The following CEP128 variants were observed in gnomAD, a reference collection of about 807,000 sequenced individuals.
The protein encoded by CEP128 is centrosomal protein 128kDa.
In CEP128, 132 loss-of-function variants were observed where a neutral mutation model predicts 156.7. The ratio of observed to expected loss-of-function variants is 0.84; its 90% CI spans 0.73 to 0.97. The LOEUF (loss-of-function observed/expected upper bound fraction) is 0.97. Ranked by LOEUF, CEP128 falls within the 50% of genes least tolerant of loss-of-function variation. CEP128 has a pLI of 0.00. For missense variants in CEP128, 1,252 were observed against 1,281.9 expected (o/e 0.98, Z 0.36); for synonymous variants, 469 against 448.9 (o/e 1.04, Z -0.57).
intron 9 of CEP128, among the ~76,000 whole-genome samples, chr14:80,842,309 A>G (rs1460472127): frequency 1.3e-5 from 2 of 152,066 alleles, no homozygotes; most frequent in Non-Finnish European, 2.9e-5. Flanking sequence ...AAAGCAAATT[A>G]CTACATTTCC....
chr14:80,652,974 C>T (rs376627744), intron 19 of CEP128, among the ~76,000 whole-genome samples: 8 of 151,986 alleles, frequency 5.3e-5, no homozygotes, highest in Non-Finnish European at 1.0e-4. Flanking sequence ...ATTAGCAAAA[C>T]GTGGCACATA....
intron 16 of CEP128, among the ~76,000 whole-genome samples, chr14:80,768,441 A>T (rs1900350974): frequency 6.6e-6 from 1 of 152,152 alleles, no homozygotes; most frequent in South Asian, 2.1e-4. Flanking sequence ...GAACACTATG[A>T]TTTCTACTCT....
intron 2 of CEP128, among the ~76,000 whole-genome samples, chr14:80,917,535 G>C (rs548299564): frequency 3.3e-5 from 5 of 151,916 alleles, no homozygotes; most frequent in Non-Finnish European, 5.9e-5. Context: ...TTTTTGTTTT[G>C]TTTTCTTTTG....
At chr14:80,759,758 T>G (rs1025553409) in intron 17 of CEP128, among the ~76,000 whole-genome samples, 4 of 152,124 alleles carry the variant, frequency 2.6e-5, no homozygotes, top group Non-Finnish European at 5.9e-5. Context: ...AAAAATTGGA[T>G]GCTTCTTGGA....
At chr14:80,929,166 A>C (rs1327226820) in intron 2 of CEP128, among the ~76,000 whole-genome samples, 1 of 152,210 alleles carries the variant, frequency 6.6e-6, no homozygotes, top group African/African-American at 2.4e-5. Context: ...AAGCCACAAT[A>C]AGATACCATC....
intron 8 of CEP128, among the ~76,000 whole-genome samples, chr14:80,878,178 C>T (rs1293725112): frequency 6.6e-6 from 1 of 152,128 alleles, no homozygotes; most frequent in African/African-American, 2.4e-5. Flanking sequence ...GACATGACAC[C>T]ATATACCCAG....
intron 21 of CEP128, among the ~76,000 whole-genome samples, chr14:80,538,689 A>G (rs146236348): frequency 3.2e-4 from 49 of 152,328 alleles, no homozygotes; most frequent in African/African-American, 1.2e-3. Flanking sequence ...CAGCACGCAT[A>G]TCATCAACTC....
chr14:80,732,694 T>C (rs1273615841), intron 19 of CEP128, among the ~76,000 whole-genome samples: 2 of 152,104 alleles, frequency 1.3e-5, no homozygotes, highest in South Asian at 4.1e-4. Flanking sequence ...AAACAGCAGA[T>C]TAAAGAATGC....
intron 10 of CEP128, 66 bp from the exon 11 acceptor site, chr14:80,838,344 G>A: frequency 8.6e-7 from 1 of 1,165,688 alleles, no homozygotes; most frequent in Non-Finnish European, 1.3e-6. Context: ...ATTATTATGG[G>A]CACAGTTTAA....
At chr14:80,644,890 G>A (rs1444699118) in intron 19 of CEP128, among the ~76,000 whole-genome samples, 5 of 152,058 alleles carry the variant, frequency 3.3e-5, no homozygotes, top group African/African-American at 1.2e-4. Context: ...AATATGTTCT[G>A]AAATTACTAA....
chr14:80,957,285 C>A (rs145563337), intron 2 of CEP128, among the ~76,000 whole-genome samples: 4 of 152,092 alleles, frequency 2.6e-5, no homozygotes, highest in African/African-American at 7.2e-5. Context: ...GCTATACCCC[C>A]CTTCCCAACA....
chr14:80,876,076 A>C (rs1457599530), intron 8 of CEP128, among the ~76,000 whole-genome samples: 2 of 152,100 alleles, frequency 1.3e-5, no homozygotes, highest in Non-Finnish European at 2.9e-5. Context: ...AAGGGGATGA[A>C]GTCAAAAGTT....
At chr14:80,805,235 A>T (rs1884108684) in intron 13 of CEP128, among the ~76,000 whole-genome samples, 2 of 152,042 alleles carry the variant, frequency 1.3e-5, no homozygotes, top group African/African-American at 4.8e-5. Flanking sequence ...ATTAGATGCA[A>T]TGTTTAGAGA....
intron 6 of CEP128, among the ~76,000 whole-genome samples, chr14:80,900,958 G>A (rs1217298392): frequency 6.6e-6 from 1 of 152,140 alleles, no homozygotes; most frequent in Non-Finnish European, 1.5e-5. Context: ...TGTAATCCCA[G>A]CACTTTGGGA....
chr14:80,701,137 C>G (rs1897060844), intron 19 of CEP128, among the ~76,000 whole-genome samples: 1 of 152,150 alleles, frequency 6.6e-6, no homozygotes, highest in African/African-American at 2.4e-5. Flanking sequence ...GATTGTCTCT[C>G]AGGCTGCTCC....
At chr14:80,590,509 T>G (rs1236146775) in intron 19 of CEP128, among the ~76,000 whole-genome samples, 1 of 151,982 alleles carries the variant, frequency 6.6e-6, no homozygotes, top group East Asian at 1.9e-4. Flanking sequence ...GTGAAAATAC[T>G]GTTTAGGAAT....
intron 13 of CEP128, chr14:80,830,448 G>T: frequency 5.5e-6 from 2 of 362,536 alleles, no homozygotes; most frequent in Admixed American, 4.5e-5. Context: ...AGGGAGGATT[G>T]ATACATATCT....
chr14:80,929,452 C>A (rs549159143), intron 2 of CEP128, among the ~76,000 whole-genome samples: 1 of 152,202 alleles, frequency 6.6e-6, no homozygotes, highest in Non-Finnish European at 1.5e-5. Context: ...ACAATTGCAA[C>A]GATATGGAAT....
intron 19 of CEP128, among the ~76,000 whole-genome samples, chr14:80,702,244 G>A (rs1435646137): frequency 6.6e-6 from 1 of 152,128 alleles, no homozygotes; most frequent in Non-Finnish European, 1.5e-5. Context: ...TGACATTGTA[G>A]TAGGCACTAA....
Sources: gnomAD v4.1 joint callset for allele counts (sites outside exome capture counted in the v4.1 genomes callset) on GRCh38, gnomAD v4.1.1 for gene constraint, MANE v1.5 for transcripts, NCBI Gene and HGNC (gene_info 2026-07-23, HGNC 2026-07-21) for gene names.